The following CDHR3 variants were observed in gnomAD, a reference collection of about 807,000 sequenced individuals.
The protein encoded by CDHR3 is cadherin-related family member 3.
A neutral mutation model predicts 86.6 loss-of-function variants in CDHR3; 79 were observed. The ratio of observed to expected loss-of-function variants is 0.91; its 90% CI spans 0.76 to 1.10. The LOEUF (loss-of-function observed/expected upper bound fraction) is 1.10, where lower values mean the gene tolerates loss of function less well. CDHR3 is among the 50% of genes least tolerant of loss of function. CDHR3 has a pLI of 0.00. For synonymous variants in CDHR3, 421 were observed against 402.4 expected (o/e 1.05, Z -0.55); for missense variants, 1,081 against 1,077.6 (o/e 1.00, Z -0.04).
intron 2 of CDHR3, among the ~76,000 whole-genome samples, chr7:105,979,756 T>A (rs1829360049): frequency 6.6e-6 from 1 of 152,170 alleles, no homozygotes; most frequent in Admixed American, 6.5e-5. Flanking sequence ...GCTGAGTGTC[T>A]CATCACCTGG....
At chr7:106,018,185 G>A in intron 12 of CDHR3, 113 bp downstream of exon 12, 2 of 758,748 alleles carry the variant, frequency 2.6e-6, no homozygotes, top group Non-Finnish European at 4.3e-6. Context: ...GGTACATCCT[G>A]CGGATGTGGT....
chr7:105,980,611 T>TTTTTTTTA (rs1829553661), intron 2 of CDHR3, among the ~76,000 whole-genome samples: 1 of 96,258 alleles, frequency 1.0e-5, no homozygotes, highest in Non-Finnish European at 2.0e-5. Context: ...TTTTTAATTT[T>TTTTTTTTA]TTTTTTTTTT....
chr7:106,015,147 C>T lies in CDHR3; in HGVS notation c.1261C>T (p.Leu421=). The change falls in exon 10 of 19, where the codon CTA becomes TTA. Residue 421 remains leucine, a synonymous_variant. Coordinates refer to ENST00000317716, the MANE Select transcript of CDHR3 (RefSeq NM_152750.5). Reference sequence around the variant, plus strand: ...TCTAGACTACGAAAATCCAAGTAACCTAGCAGCCGGCAATAAATATACGGT... The same window carrying T: ...TCTAGACTACGAAAATCCAAGTAACTTAGCAGCCGGCAATAAATATACGGT... ...GDLDYENPSN[L]AAGNKYTVII... The T allele has an allele frequency of 6.2e-7, 1 of 1,610,978 alleles. No homozygotes were observed. The highest frequency in any genetic ancestry group is 8.5e-7 in the Non-Finnish European group (1 of 1,178,706).
chr7:106,012,896 G>T lies in CDHR3; in HGVS notation c.1089G>T (p.Leu363Phe), dbSNP rs781087520. 1.1e-5 allele frequency: 18 copies of T among 1,612,118 alleles called. No individual in the cohort carries two copies. Among genetic ancestry groups the T allele is most frequent in the Middle Eastern group, 1.7e-4 (1 of 6,050 alleles). Residue 363 changes from leucine (L) to phenylalanine (F), a missense_variant, in exon 9 of 19, where the codon TTG becomes TTT. Leu to Phe is a conservative substitution (Grantham distance 22). Transcript: ENST00000317716. ...MVPERTAKGT[L>F]LLDLNKFCFD... ...CGGAAAGAACAGCCAAGGGGACGTTGCTTCTTGACCTAAACAAGTTCTGCT... is the reference window on the plus strand; with the variant it reads ...CGGAAAGAACAGCCAAGGGGACGTTTCTTCTTGACCTAAACAAGTTCTGCT...
At chr7:106,022,090 G>A in intron 13 of CDHR3, 108 bp from the exon 14 acceptor site, 1 of 1,316,612 alleles carries the variant, frequency 7.6e-7, no homozygotes, top group Non-Finnish European at 1.1e-6. Context: ...GTCTACACTT[G>A]AGGTGTGGAC....
chr7:106,027,696 CAGGCATGTGTCTGACATGCTTA>C (rs1372663691), intron 16 of CDHR3: 5 of 451,978 alleles, frequency 1.1e-5, no homozygotes, highest in Admixed American at 4.7e-5. Context: ...ACTCCATCTA[CAGGCATGTGTCTGACATGCTTA>C]AGGCATGTCT....
Position 106,034,381 on chromosome 7 carries a change from C to G in CDHR3, c.*1684C>G, listed in dbSNP as rs1449905020. 6.6e-6 allele frequency among the ~76,000 whole-genome samples: 1 copy of G among 150,708 alleles called. No individual in the cohort carries two copies. The highest frequency in any genetic ancestry group is 2.4e-5 in the African/African-American group (1 of 40,948). On this transcript the variant is annotated 3_prime_UTR_variant, in exon 19 of 19. Coordinates refer to ENST00000317716, the MANE Select transcript of CDHR3 (RefSeq NM_152750.5). ...AACTGGGGAGTCAGGTGAGAGCCTA[C>G]CAGGTCCACAAGGTCCTGTGGGAGA...
Position 105,963,299 on chromosome 7 carries a change from C to T in CDHR3, c.-20C>T. 1 of 1,613,644 alleles carries T rather than the reference C, an allele frequency of 6.2e-7. No individual in the cohort carries two copies. The highest frequency in any genetic ancestry group is 1.3e-5 in the African/African-American group (1 of 75,032). ...CTGTGGCTAATGTGCTGGAAGCACG[C>T]ACAGTTGTGACCATCAAGTATGCAG... On this transcript the variant is annotated 5_prime_UTR_variant, in exon 1 of 19. Coordinates refer to ENST00000317716, the MANE Select transcript of CDHR3 (RefSeq NM_152750.5).
chr7:106,022,167 T>TG (rs1563300741), intron 13 of CDHR3, 31 bp from the exon 14 acceptor site: 1 of 1,610,360 alleles, frequency 6.2e-7, no homozygotes, highest in Non-Finnish European at 8.5e-7. Context: ...TTCTTCCTTT[T>TG]ACCAACACCC....
intron 4 of CDHR3, among the ~76,000 whole-genome samples, chr7:105,991,785 T>TA (rs1475499379): frequency 6.6e-6 from 1 of 152,206 alleles, no homozygotes; most frequent in Non-Finnish European, 1.5e-5. Flanking sequence ...TAGCAGTGAA[T>TA]AAAATGAAGC....
intron 14 of CDHR3, 141 bp downstream of exon 14, chr7:106,022,589 C>T: frequency 7.9e-7 from 1 of 1,265,458 alleles, no homozygotes; most frequent in Non-Finnish European, 1.1e-6. Context: ...CAACCATGGG[C>T]TGGACTGGAG....
At chr7:106,017,741 G>C (rs922496813) in intron 11 of CDHR3, 105 bp from the exon 12 acceptor site, 1 of 822,836 alleles carries the variant, frequency 1.2e-6, no homozygotes, top group African/African-American at 1.7e-5. Context: ...CAGCAAGGAG[G>C]CCTCCAGAAG....
chr7:105,994,916 A>G, intron 5 of CDHR3, 71 bp downstream of exon 5: 1 of 1,274,926 alleles, frequency 7.8e-7, no homozygotes, highest in Non-Finnish European at 1.1e-6. Flanking sequence ...GGGATAGGTC[A>G]CAGTGCAACC....
At position 106,032,716 on chromosome 7, in the gene CDHR3, C is replaced by A. The variant is rs573042965; in HGVS notation, c.*19C>A. The A allele has an allele frequency of 1.5e-4, 245 of 1,594,038 alleles. 2 individuals carry two copies. Among genetic ancestry groups the A allele is most frequent in the South Asian group, 6.8e-4 (60 of 88,416 alleles). On this transcript the variant is annotated 3_prime_UTR_variant, in exon 19 of 19. Transcript: ENST00000317716. ...AAAGTAAACGGGGTCTAAGGAGGGG[C>A]CTGTCAATCACTGAGATGCTGCCTC...
At chr7:105,984,659 T>A in intron 4 of CDHR3, among the ~76,000 whole-genome samples, 1 of 152,122 alleles carries the variant, frequency 6.6e-6, no homozygotes, top group East Asian at 1.9e-4. Flanking sequence ...CTCAATATTT[T>A]AAAAATCTAA....
chr7:106,016,037 A>G lies in CDHR3; in HGVS notation c.1426+12A>G, dbSNP rs760177700. On this transcript the variant is annotated intron_variant, in intron 11 of 18. Transcript: ENST00000317716. Reference sequence around the variant, plus strand: ...AGAAAGAAGGCCCGGTAAGTAACAGATAAGACACAGACCAGAGTGCTGTCA... The same window carrying G: ...AGAAAGAAGGCCCGGTAAGTAACAGGTAAGACACAGACCAGAGTGCTGTCA... The G allele has an allele frequency of 8.3e-6, 13 of 1,567,658 alleles. No homozygotes were observed. The South Asian group carries it at 1.0e-4, about 12-fold the overall frequency.
At chr7:105,982,666 C>A (rs1829945636) in intron 3 of CDHR3, among the ~76,000 whole-genome samples, 1 of 151,770 alleles carries the variant, frequency 6.6e-6, no homozygotes, top group African/African-American at 2.4e-5. Flanking sequence ...CCTCTGCCTC[C>A]CCTCCTATCT....
In CDHR3 at chr7:106,024,433, G is replaced by T. The variant is rs1019025057; in HGVS notation, c.2129G>T (p.Trp710Leu). 6.2e-7 allele frequency: 1 copy of T among 1,614,012 alleles called. No individual in the cohort carries two copies. The highest frequency in any genetic ancestry group is 8.5e-7 in the Non-Finnish European group (1 of 1,179,890). The change falls in exon 15 of 19, where the codon TGG (tryptophan) becomes TTG (leucine). Residue 710 changes from tryptophan to leucine, a missense_variant. Trp to Leu is a moderately conservative substitution (Grantham distance 61, BLOSUM62 -2). Transcript: ENST00000317716. ...AAAAACGTTTACTCTCCATCTGCAT[G>T]GTACGTGCCGTTTGTCATCACTTTG... ...LRKNVYSPSA[W>L]YVPFVITLGS...
Position 105,976,980 on chromosome 7 carries a change from C to A in CDHR3, c.249+1934C>A, listed in dbSNP as rs1021677700. Among the ~76,000 whole-genome samples the A allele has an allele frequency of 4.6e-5, 6 of 129,266 alleles. No individual in the cohort carries two copies. In the Admixed American group the frequency reaches 4.9e-4, roughly 10 times the overall value. 84.8% of individuals were successfully genotyped at this position (129,266 alleles called of 152,430 possible). ...TCCAAGGCACATTCACATACCTGAT[C>A]TCTTTTTTTTTTTTTTTTTTGAGAT... is the stretch of plus-strand genomic sequence containing the variant. On this transcript the variant is annotated intron_variant, in intron 2 of 18. Coordinates refer to ENST00000317716, the MANE Select transcript of CDHR3 (RefSeq NM_152750.5).
Sources: gnomAD v4.1 joint callset for allele counts (sites outside exome capture counted in the v4.1 genomes callset) on GRCh38, gnomAD v4.1.1 for gene constraint, MANE v1.5 for transcripts, NCBI Gene and HGNC (gene_info 2026-07-23, HGNC 2026-07-21) for gene names.